The following PTPRM variants were observed in gnomAD, a reference collection of about 807,000 sequenced individuals.
PTPRM encodes the protein protein tyrosine phosphatase receptor type M.
Under a neutral mutation model 186.7 loss-of-function variants are expected in PTPRM, and 47 were observed. That is an observed-to-expected ratio of 0.25 (90% CI 0.20 to 0.32). The LOEUF (loss-of-function observed/expected upper bound fraction) is 0.32, where lower values mean the gene tolerates loss of function less well. Ranked by LOEUF, PTPRM falls within the 10% of genes least tolerant of loss-of-function variation. The pLI is 1.00. For synonymous variants in PTPRM, 668 were observed against 674.9 expected, an observed-to-expected ratio of 0.99 and a Z score of 0.16; for missense variants, 1,494 against 1,865.0, an observed-to-expected ratio of 0.80 and a Z score of 3.66.
rs573509343 is a variant in PTPRM, at chr18:8,247,933, C to T, written c.2527+14C>T. Reference sequence around the variant, plus strand: ...CCTATTACCCAGGTAACAGTTTTTTCCATTGTCTCCTCTCTGCTCTCTCCT... The same window carrying T: ...CCTATTACCCAGGTAACAGTTTTTTTCATTGTCTCCTCTCTGCTCTCTCCT... On this transcript the variant is annotated intron_variant, in intron 16 of 32. Transcript: ENST00000580170. 6.5e-7 allele frequency: 1 copy of T among 1,549,130 alleles called. No individual in the cohort carries two copies. The highest frequency in any genetic ancestry group is 1.4e-5 in the African/African-American group (1 of 73,470).
intron 7 of PTPRM, among the ~76,000 whole-genome samples, chr18:8,000,080 A>C (rs2083775789): frequency 6.6e-6 from 1 of 152,216 alleles, no homozygotes; most frequent in Non-Finnish European, 1.5e-5. Context: ...TTCAGCCTTC[A>C]TTCTATTGGA....
chr18:8,375,780 A>C (rs1368740724), intron 24 of PTPRM, among the ~76,000 whole-genome samples: 1 of 152,282 alleles, frequency 6.6e-6, no homozygotes, highest in East Asian at 1.9e-4. Flanking sequence ...AACCCAACCA[A>C]TTCATCCATT....
chr18:8,030,677 T>C (rs567143646), intron 7 of PTPRM, among the ~76,000 whole-genome samples: 2 of 152,204 alleles, frequency 1.3e-5, no homozygotes, highest in South Asian at 4.1e-4. Context: ...TGAGGTGTCT[T>C]CTCTCAAAAT....
intron 24 of PTPRM, among the ~76,000 whole-genome samples, chr18:8,371,462 T>A (rs1420404762): frequency 6.6e-6 from 1 of 152,156 alleles, no homozygotes; most frequent in Non-Finnish European, 1.5e-5. Flanking sequence ...CCTTGTGGCT[T>A]TCGAAACCTC....
chr18:7,569,307 G>T (rs981470774), intron 1 of PTPRM, among the ~76,000 whole-genome samples: 6 of 152,168 alleles, frequency 3.9e-5, no homozygotes, highest in Non-Finnish European at 5.9e-5. Flanking sequence ...GGAGTGGAAC[G>T]TGTAGGTTTT....
At chr18:8,194,454 G>T (rs965929959) in intron 14 of PTPRM, among the ~76,000 whole-genome samples, 2 of 152,344 alleles carry the variant, frequency 1.3e-5, no homozygotes, top group East Asian at 1.9e-4. Context: ...GTGGAAAGTT[G>T]TCCATAGAGT....
rs918748749 is a variant in PTPRM, at chr18:7,965,815, T to G, written c.1132+10401T>G. 2.0e-5 allele frequency among the ~76,000 whole-genome samples: 3 copies of G among 152,230 alleles called. No individual in the cohort carries two copies. In the South Asian group the frequency reaches 6.2e-4, roughly 31 times the overall value. Reference sequence around the variant, plus strand: ...CCTCTCAGCACATCCAGATGCATTCTCTTCTTATTCACCCAGCTCTCAGTT... The same window carrying G: ...CCTCTCAGCACATCCAGATGCATTCGCTTCTTATTCACCCAGCTCTCAGTT... On this transcript the variant is annotated intron_variant, in intron 7 of 32. Coordinates refer to ENST00000580170, the MANE Select transcript of PTPRM (RefSeq NM_001105244.2).
chr18:8,039,692 C>T lies in PTPRM; in HGVS notation c.1133-29994C>T, dbSNP rs968827947. On this transcript the variant is annotated intron_variant, in intron 7 of 32. Transcript: ENST00000580170. ...GAATACTTAAAATCTACTCTCCCAG[C>T]GATTTTCAAGTATAGAATACATTGT... Among the ~76,000 whole-genome samples, 4 of 152,204 alleles carry T rather than the reference C, an allele frequency of 2.6e-5. No homozygotes were observed. The East Asian group carries it at 5.8e-4, about 22-fold the overall frequency.
chr18:7,856,549 G>A (rs1334034950), intron 2 of PTPRM, among the ~76,000 whole-genome samples: 1 of 151,732 alleles, frequency 6.6e-6, no homozygotes, highest in Non-Finnish European at 1.5e-5. Flanking sequence ...GACCAATGTT[G>A]GCAACATAGT....
chr18:8,314,622 G>A lies in PTPRM; in HGVS notation c.2843-159G>A, dbSNP rs77508296. ...TTACAAATCCTTCCCAATTTTAATAGCAAAATGGGAAGTAGAGGGTGTGTA... is the reference window on the plus strand; with the variant it reads ...TTACAAATCCTTCCCAATTTTAATAACAAAATGGGAAGTAGAGGGTGTGTA... On this transcript the variant is annotated intron_variant, in intron 20 of 32. Transcript: ENST00000580170. 3.8e-3 allele frequency among the ~76,000 whole-genome samples: 584 copies of A among 152,286 alleles called. 2 individuals carry two copies. The highest frequency in any genetic ancestry group is 0.013 in the African/African-American group (560 of 41,556).
intron 7 of PTPRM, among the ~76,000 whole-genome samples, chr18:8,001,267 G>A (rs979510367): frequency 6.6e-6 from 1 of 152,170 alleles, no homozygotes; most frequent in African/African-American, 2.4e-5. Context: ...AGGGGATAGC[G>A]ATAGACTCCT....
intron 1 of PTPRM, among the ~76,000 whole-genome samples, chr18:7,706,232 G>T (rs896084206): frequency 6.6e-6 from 1 of 151,750 alleles, no homozygotes; most frequent in Non-Finnish European, 1.5e-5. Flanking sequence ...CAAGAAAGAG[G>T]CAATAAAGAG....
chr18:7,813,683 AT>A (rs976931822), intron 2 of PTPRM, among the ~76,000 whole-genome samples: 18 of 148,024 alleles, frequency 1.2e-4, no homozygotes, highest in African/African-American at 2.5e-4. Context: ...TTTCTTCTTA[AT>A]TTTTTTTTCA....
intron 11 of PTPRM, among the ~76,000 whole-genome samples, chr18:8,108,283 A>G (rs1241374005): frequency 2.0e-5 from 3 of 152,164 alleles, no homozygotes; most frequent in Non-Finnish European, 4.4e-5. Context: ...AAAATGAACA[A>G]TATTCTAAGT....
At chr18:8,162,080 T>G (rs2093240575) in intron 14 of PTPRM, among the ~76,000 whole-genome samples, 1 of 152,048 alleles carries the variant, frequency 6.6e-6, no homozygotes, top group Non-Finnish European at 1.5e-5. Flanking sequence ...AAGACTACAG[T>G]TAAATTTTGT....
At chr18:8,110,617 C>T (rs1303045121) in intron 11 of PTPRM, among the ~76,000 whole-genome samples, 4 of 152,096 alleles carry the variant, frequency 2.6e-5, no homozygotes, top group Non-Finnish European at 5.9e-5. Context: ...TCCGAGGACA[C>T]CAGCCCGGTG....
At chr18:8,135,882 T>G (rs1428177299) in intron 13 of PTPRM, among the ~76,000 whole-genome samples, 1 of 152,218 alleles carries the variant, frequency 6.6e-6, no homozygotes, top group Non-Finnish European at 1.5e-5. Flanking sequence ...CAGAATAGAC[T>G]AGGTATACTT....
At chr18:8,137,471 A>G (rs1014797679) in intron 13 of PTPRM, among the ~76,000 whole-genome samples, 3 of 152,192 alleles carry the variant, frequency 2.0e-5, no homozygotes, top group Non-Finnish European at 4.4e-5. Context: ...GGGAGGCTCC[A>G]GGCCTGGGTG....
intron 19 of PTPRM, among the ~76,000 whole-genome samples, chr18:8,263,527 G>A (rs1293473531): frequency 6.6e-6 from 1 of 152,146 alleles, no homozygotes; most frequent in Non-Finnish European, 1.5e-5. Flanking sequence ...AAACCCTTGG[G>A]ATTTTATGAG....
Sources: gnomAD v4.1 joint callset for allele counts (sites outside exome capture counted in the v4.1 genomes callset) on GRCh38, gnomAD v4.1.1 for gene constraint, MANE v1.5 for transcripts, NCBI Gene and HGNC (gene_info 2026-07-23, HGNC 2026-07-21) for gene names.